SBK1: variants seen among roughly 807,000 people sequenced by gnomAD.
The protein encoded by SBK1 is serine/threonine-protein kinase SBK1.
In SBK1, 11 loss-of-function variants were observed where a neutral mutation model predicts 24.4. The ratio of observed to expected loss-of-function variants is 0.45; its 90% CI spans 0.28 to 0.75. The LOEUF (loss-of-function observed/expected upper bound fraction) is 0.75, where lower values mean the gene tolerates loss of function less well. Ranked by LOEUF, SBK1 falls within the 30% of genes least tolerant of loss-of-function variation. The probability of loss-of-function intolerance (pLI) is 0.12; values close to 1 mark genes in which losing one functional copy is unlikely to be tolerated. For synonymous variants in SBK1, 308 were observed against 284.4 expected (o/e 1.08, Z -0.83); for missense variants, 467 against 620.5 (o/e 0.75, Z 2.63).
intron 1 of SBK1, among the ~76,000 whole-genome samples, chr16:28,284,106 C>T (rs886770239): frequency 1.3e-5 from 2 of 152,202 alleles, no homozygotes; most frequent in African/African-American, 2.4e-5. Flanking sequence ...GTTGGTAACA[C>T]GACGCTTGTC....
At chr16:28,289,798 T>C (rs1283570160), upstream of SBK1, among the ~76,000 whole-genome samples, 1 of 142,996 alleles carries the variant, frequency 7.0e-6, no homozygotes, top group African/African-American at 2.6e-5. Flanking sequence ...AACAAACAGA[T>C]GTCAGGGCTG....
chr16:28,307,029 C>A (rs1021778489), intron 1 of SBK1, among the ~76,000 whole-genome samples: 2 of 152,176 alleles, frequency 1.3e-5, no homozygotes, highest in East Asian at 3.9e-4. Context: ...GTGCTCTCTC[C>A]CTCCAGCAGC....
Position 28,317,556 on chromosome 16 carries a change from A to G in SBK1, c.165A>G (p.Leu55=), listed in dbSNP as rs1341257373. Residue 55 remains leucine, a synonymous_variant, in exon 2 of 4, where the codon CTA becomes CTG. Coordinates refer to ENST00000341901, the MANE Select transcript of SBK1 (RefSeq NM_001024401.3). The surrounding 1 kb of genome is among the most constrained non-coding windows in gnomAD (Gnocchi z 4.2). ...GCGACGTCACCAAGCACTACGAACT[A>G]GTCCGGGAGCTGGGCAAAGGCACCT... ...AASDVTKHYE[L]VRELGKGTYG... 1.2e-6 allele frequency: 2 copies of G among 1,614,026 alleles called. No individual in the cohort carries two copies. Among genetic ancestry groups the G allele is most frequent in the Non-Finnish European group, 1.7e-6 (2 of 1,180,018 alleles).
intron 1 of SBK1, among the ~76,000 whole-genome samples, chr16:28,272,852 C>T (rs2044474963): frequency 6.6e-6 from 1 of 151,510 alleles, no homozygotes; most frequent in Non-Finnish European, 1.5e-5. Context: ...GAACTCCTGA[C>T]CTTGTGATCC....
rs1433583014 is a variant in SBK1, at chr16:28,317,946, T to C, written c.226+329T>C. 6.6e-6 allele frequency among the ~76,000 whole-genome samples: 1 copy of C among 152,002 alleles called. No homozygotes were observed. Among genetic ancestry groups the C allele is most frequent in the African/African-American group, 2.4e-5 (1 of 41,368 alleles). The stretch of plus-strand genomic sequence containing the variant: ...GGCAGGGCTGCCGGCTGTGTCTGAG[T>C]ATCACCAGCGTCTCAGGGATGTCTG... On this transcript the variant is annotated intron_variant, in intron 2 of 3. Coordinates refer to ENST00000341901, the MANE Select transcript of SBK1 (RefSeq NM_001024401.3). This position sits in a 1 kb window ranked among gnomAD's most constrained non-coding sequence, Gnocchi z 4.2.
At chr16:28,304,467 G>T (rs1436914175) in intron 1 of SBK1, among the ~76,000 whole-genome samples, 1 of 152,190 alleles carries the variant, frequency 6.6e-6, no homozygotes, top group Non-Finnish European at 1.5e-5. Context: ...CAGGAGCTGA[G>T]TGACTTTGGG....
At position 28,259,368 on chromosome 16, in the gene SBK1, C is replaced by A; in HGVS notation, c.123C>A (p.Gly41=). Residue 41 remains glycine, a synonymous_variant, in exon 1 of 4, where the codon GGC becomes GGA. Transcript: ENST00000671413. This position sits in a 1 kb window ranked among gnomAD's most constrained non-coding sequence, Gnocchi z 6.0. ...ATGATGCTGCGGAGGCCACCCCTGG[C>A]CACCCCTGCCCTGTCCTGGAGCTGC... The A allele has an allele frequency of 2.4e-6, 2 of 829,016 alleles. No homozygotes were observed. Among genetic ancestry groups the A allele is most frequent in the Non-Finnish European group, 2.9e-6 (2 of 687,522 alleles). The allele number at this position is 829,016 out of a possible 1,614,324, so 51.4% of individuals were successfully genotyped here. A position where few individuals can be genotyped will look rare whatever the true frequency, so the allele number is the denominator to read the frequency against.
intron 1 of SBK1, among the ~76,000 whole-genome samples, chr16:28,296,399 A>T (rs1194945426): frequency 6.6e-6 from 1 of 151,730 alleles, no homozygotes; most frequent in Non-Finnish European, 1.5e-5. Context: ...GGCCACACCC[A>T]ACTAATTTTT....
chr16:28,280,334 G>GTATA (rs34268182), intron 1 of SBK1, among the ~76,000 whole-genome samples: 21 of 139,934 alleles, frequency 1.5e-4, no homozygotes, highest in African/African-American at 5.6e-4. Flanking sequence ...ACGTACATAT[G>GTATA]TATATATATA....
chr16:28,281,194 C>T (rs1003018299), intron 1 of SBK1, among the ~76,000 whole-genome samples: 2 of 152,180 alleles, frequency 1.3e-5, no homozygotes, highest in Non-Finnish European at 2.9e-5. Flanking sequence ...CCTGGATCCA[C>T]TTAATTAGCT....
At chr16:28,288,837 A>G (rs865830676), upstream of SBK1, among the ~76,000 whole-genome samples, 3 of 152,266 alleles carry the variant, frequency 2.0e-5, no homozygotes, top group Middle Eastern at 3.4e-3. Flanking sequence ...CCCCGGCCAC[A>G]GCTTAAATTT....
At chr16:28,313,770 T>G (rs1431449546) in intron 1 of SBK1, among the ~76,000 whole-genome samples, 1 of 151,496 alleles carries the variant, frequency 6.6e-6, no homozygotes, top group Non-Finnish European at 1.5e-5. Context: ...TGGGGCTGGG[T>G]GGGAGGCCAG....
intron 1 of SBK1, among the ~76,000 whole-genome samples, chr16:28,271,233 C>G (rs1031514132): frequency 6.6e-6 from 1 of 152,002 alleles, no homozygotes; most frequent in African/African-American, 2.4e-5. Flanking sequence ...CCAAGTAAAA[C>G]AAGAAATAGT....
intron 1 of SBK1, 69 bp downstream of exon 1, chr16:28,293,369 G>A (rs2044615868): frequency 2.5e-6 from 2 of 801,484 alleles, no homozygotes; most frequent in Non-Finnish European, 3.0e-6. Context: ...TGCAGGTGGG[G>A]AAGGAAGTAT....
chr16:28,299,546 C>G (rs528763246), intron 1 of SBK1, among the ~76,000 whole-genome samples: 1 of 152,288 alleles, frequency 6.6e-6, no homozygotes, highest in African/African-American at 2.4e-5. Flanking sequence ...TCCACTTACA[C>G]GGGGCCATGG....
rs1211060802 is a variant in SBK1, at chr16:28,319,707, G to A, written c.430-369G>A. Among the ~76,000 whole-genome samples the A allele has an allele frequency of 6.6e-6, 1 of 152,144 alleles. No homozygotes were observed. Among genetic ancestry groups the A allele is most frequent in the Non-Finnish European group, 1.5e-5 (1 of 68,024 alleles). On this transcript the variant is annotated intron_variant, in intron 3 of 3. Transcript: ENST00000341901. The surrounding 1 kb of genome is among the most constrained non-coding windows in gnomAD (Gnocchi z 4.0). ...CACGGACACAGCAGGGAACAGGACG[G>A]GAAGCTCAGGGAGCCCCGTTCTAGT...
intron 1 of SBK1, among the ~76,000 whole-genome samples, chr16:28,262,260 C>T (rs1268820009): frequency 6.6e-6 from 1 of 152,204 alleles, no homozygotes; most frequent in East Asian, 1.9e-4. Context: ...CCCAGCCTTG[C>T]TCCAGCCCCT....
chr16:28,300,072 T>C (rs1407220643), intron 1 of SBK1, among the ~76,000 whole-genome samples: 6 of 152,254 alleles, frequency 3.9e-5, no homozygotes, highest in Non-Finnish European at 8.8e-5. Context: ...TCTCACTGCC[T>C]GACACACATC....
intron 1 of SBK1, among the ~76,000 whole-genome samples, chr16:28,314,108 C>T: frequency 6.6e-6 from 1 of 151,356 alleles, no homozygotes; most frequent in East Asian, 1.9e-4. Context: ...AAGAACGCAT[C>T]GGGAGAAGGC....
Sources: gnomAD v4.1 joint callset for allele counts (sites outside exome capture counted in the v4.1 genomes callset) on GRCh38, gnomAD v4.1.1 for gene constraint, Gnocchi (gnomAD v3.1) non-coding constraint, MANE v1.5 for transcripts, NCBI Gene and HGNC (gene_info 2026-07-23, HGNC 2026-07-21) for gene names.